The following KIF19 variants were observed in gnomAD, a reference collection of about 807,000 sequenced individuals.
KIF19 encodes the protein kinesin family member 19.
KIF19 carries 98 observed loss-of-function variants against 106.6 expected under a neutral mutation model. The ratio of observed to expected loss-of-function variants is 0.92; its 90% CI spans 0.78 to 1.09. The LOEUF is 1.09. Among genes scored for constraint, KIF19 ranks in the 50% least tolerant of loss-of-function variants. The pLI is 0.00. For missense variants in KIF19, 1,373 were observed against 1,414.3 expected (o/e 0.97, Z 0.47); for synonymous variants, 516 against 584.2 (o/e 0.88, Z 1.68).
In KIF19 at chr17:74,344,350, C is replaced by T. The variant is rs1202308732; in HGVS notation, c.582+2C>T. ...GTCTCCACCATCAATGCCAAGGAGGCGAGTTTTGTGTGGCCAGCCTGGAGC... is the reference window on the plus strand; with the variant it reads ...GTCTCCACCATCAATGCCAAGGAGGTGAGTTTTGTGTGGCCAGCCTGGAGC... On this transcript the variant is annotated splice_donor_variant, in intron 6 of 19. Coordinates refer to ENST00000389916, the MANE Select transcript of KIF19 (RefSeq NM_153209.4). LOFTEE classifies it low-confidence loss of function (GC_TO_GT_DONOR). 3 of 1,611,698 alleles carry T rather than the reference C, an allele frequency of 1.9e-6. No individual in the cohort carries two copies. The highest frequency in any genetic ancestry group is 1.7e-6 in the Non-Finnish European group (2 of 1,179,454).
At chr17:74,336,283 G>A (rs1403988194) in intron 2 of KIF19, among the ~76,000 whole-genome samples, 1 of 152,146 alleles carries the variant, frequency 6.6e-6, no homozygotes, top group Non-Finnish European at 1.5e-5. Flanking sequence ...TGGCTAGGCT[G>A]TTCTTGAACT....
At position 74,350,481 on chromosome 17, in the gene KIF19, G is replaced by A; in HGVS notation, c.1294G>A (p.Glu432Lys). ...LREQLASAFQEQMDVRRRLLE... is the reference protein window; with the variant it reads ...LREQLASAFQKQMDVRRRLLE... Reference sequence around the variant, plus strand: ...GGAGCAGCTCGCCAGCGCCTTCCAGGAGCAGATGGATGTGCGGAGGCGCCT... The same window carrying A: ...GGAGCAGCTCGCCAGCGCCTTCCAGAAGCAGATGGATGTGCGGAGGCGCCT... The change falls in exon 11 of 20, where the codon GAG (glutamate) becomes AAG (lysine). Residue 432 changes from glutamate to lysine, a missense_variant. Glu to Lys is a moderately conservative substitution (Grantham distance 56). Coordinates refer to ENST00000389916, the MANE Select transcript of KIF19 (RefSeq NM_153209.4). 1 of 1,612,026 alleles carries A rather than the reference G, an allele frequency of 6.2e-7. No homozygotes were observed. The highest frequency in any genetic ancestry group is 8.5e-7 in the Non-Finnish European group (1 of 1,179,618).
rs578094370 is a variant in KIF19 at position 74,353,753 on chromosome 17, C to A, written c.2308+172C>A. Among the ~76,000 whole-genome samples the A allele has an allele frequency of 2.6e-5, 4 of 152,316 alleles. No homozygotes were observed. In the East Asian group the frequency reaches 7.7e-4, roughly 29 times the overall value. On this transcript the variant is annotated intron_variant, in intron 17 of 19. Transcript: ENST00000389916. ...CCTGAGGATTAGTCAGTCAAGGACA[C>A]TTAAGAGTCTTCTCTAAGTCAAGGA...
intron 2 of KIF19, among the ~76,000 whole-genome samples, chr17:74,333,208 G>A (rs2054138935): frequency 6.6e-6 from 1 of 151,932 alleles, no homozygotes; most frequent in Non-Finnish European, 1.5e-5. Context: ...GTGGCTAGGG[G>A]AGGGGGTCAG....
intron 8 of KIF19, 68 bp from the exon 9 acceptor site, chr17:74,347,709 G>C: frequency 6.5e-7 from 1 of 1,541,844 alleles, no homozygotes; most frequent in Non-Finnish European, 8.8e-7. Flanking sequence ...GGAGGGCATC[G>C]TGAACAGCCT....
intron 15 of KIF19, 102 bp downstream of exon 15, chr17:74,353,056 G>A (rs1399973362): frequency 1.0e-5 from 15 of 1,482,516 alleles, no homozygotes; most frequent in Non-Finnish European, 1.4e-5. Flanking sequence ...GCAATGAGAG[G>A]GAGCAGGTGG....
At chr17:74,343,391 C>G (rs542889760) in intron 5 of KIF19, among the ~76,000 whole-genome samples, 4 of 152,184 alleles carry the variant, frequency 2.6e-5, no homozygotes, top group African/African-American at 9.6e-5. Flanking sequence ...GGCCAAGCTC[C>G]GCCCTGTGCC....
intron 7 of KIF19, 135 bp downstream of exon 7, chr17:74,345,090 G>T: frequency 1.2e-6 from 1 of 848,876 alleles, no homozygotes; most frequent in Non-Finnish European, 1.8e-6. Context: ...GGACAGGGAC[G>T]CTGGCATCTC....
chr17:74,348,014 C>A, intron 9 of KIF19, 115 bp downstream of exon 9: 2 of 1,234,364 alleles, frequency 1.6e-6, no homozygotes, highest in Non-Finnish European at 2.2e-6. Flanking sequence ...GCTGCACTGG[C>A]CTCATTCCCT....
chr17:74,332,726 C>CG (rs2054127377), intron 2 of KIF19, among the ~76,000 whole-genome samples: 1 of 152,106 alleles, frequency 6.6e-6, no homozygotes, highest in Admixed American at 6.6e-5. Context: ...GAGATCTGGC[C>CG]GGACAGCGTG....
At chr17:74,332,960 G>A (rs908765177) in intron 2 of KIF19, among the ~76,000 whole-genome samples, 10 of 152,208 alleles carry the variant, frequency 6.6e-5, no homozygotes, top group Admixed American at 2.0e-4. Context: ...GAGAGCTGTC[G>A]AGAGGATTAA....
chr17:74,332,346 G>A (rs905092160), intron 2 of KIF19, among the ~76,000 whole-genome samples: 17 of 151,886 alleles, frequency 1.1e-4, no homozygotes, highest in African/African-American at 3.6e-4. Context: ...AGGTGGGCCT[G>A]GTTTAATTTA....
Position 74,337,398 on chromosome 17 carries a change from G to A in KIF19, c.121-4478G>A, listed in dbSNP as rs565633478. On this transcript the variant is annotated intron_variant, in intron 2 of 19. Coordinates refer to ENST00000389916, the MANE Select transcript of KIF19 (RefSeq NM_153209.4). ...TGTGCTGGCCTCTGTAGATGCACAC[G>A]TCAGTTCTCGGATCTGTGCAGTGAA... 9.2e-5 allele frequency among the ~76,000 whole-genome samples: 14 copies of A among 152,260 alleles called. No individual in the cohort carries two copies. In the East Asian group the frequency reaches 1.5e-3, roughly 17 times the overall value.
chr17:74,350,396 G>A lies in KIF19; in HGVS notation c.1214-5G>A, dbSNP rs370384512. ...TCTACCTTGCCCACCCTCACCCATCGGCAGCTGAGGTCCAGCTGCACAGCG... is the reference window on the plus strand; with the variant it reads ...TCTACCTTGCCCACCCTCACCCATCAGCAGCTGAGGTCCAGCTGCACAGCG... On this transcript the variant is annotated splice_region_variant and splice_polypyrimidine_tract_variant and intron_variant, in intron 10 of 19. Coordinates refer to ENST00000389916, the MANE Select transcript of KIF19 (RefSeq NM_153209.4). 35 of 1,585,950 alleles carry A rather than the reference G, an allele frequency of 2.2e-5. No homozygotes were observed. The African/African-American group carries it at 2.4e-4, about 11-fold the overall frequency.
chr17:74,338,705 G>A (rs866084924), intron 2 of KIF19, among the ~76,000 whole-genome samples: 2 of 151,930 alleles, frequency 1.3e-5, no homozygotes, highest in African/African-American at 2.4e-5. Flanking sequence ...CAGGGCACAC[G>A]TAGAATGCTG....
rs538077065 is a variant in KIF19 at position 74,326,939 on chromosome 17, C to T, written c.39+551C>T. 5.3e-5 allele frequency among the ~76,000 whole-genome samples: 8 copies of T among 152,312 alleles called. No homozygotes were observed. In the East Asian group the frequency reaches 1.5e-3, roughly 29 times the overall value. ...TAGTTCAGAGAAGTGCTAGATGCAG[C>T]TACCATGGCCCCACAGAGCCCTGGG... On this transcript the variant is annotated intron_variant, in intron 1 of 19. Transcript: ENST00000389916.
At position 74,328,285 on chromosome 17, in the gene KIF19, G is replaced by A. The variant is rs2053969152; in HGVS notation, c.40-140G>A. ...ACACTCTGTGGACCTGCTGCCCTCTGACCTAGGTAGAGTTTTACTTAGGAC... is the reference window on the plus strand; with the variant it reads ...ACACTCTGTGGACCTGCTGCCCTCTAACCTAGGTAGAGTTTTACTTAGGAC... On this transcript the variant is annotated intron_variant, in intron 1 of 19. Transcript: ENST00000389916. 11 of 691,374 alleles carry A rather than the reference G, an allele frequency of 1.6e-5. No individual in the cohort carries two copies. The East Asian group carries it at 3.1e-4, about 19-fold the overall frequency. 42.8% of individuals were successfully genotyped at this position (691,374 alleles called of 1,614,324 possible). A position where few individuals can be genotyped will look rare whatever the true frequency, so the allele number is the denominator to read the frequency against.
Position 74,346,350 on chromosome 17 carries a change from AC to A in KIF19, c.778-27del, listed in dbSNP as rs1446718532. The A allele has an allele frequency of 8.3e-6, 13 of 1,559,652 alleles. No homozygotes were observed. The highest frequency in any genetic ancestry group is 1.1e-5 in the Non-Finnish European group (13 of 1,151,564). On this transcript the variant is annotated intron_variant, in intron 7 of 19. Coordinates refer to ENST00000389916, the MANE Select transcript of KIF19 (RefSeq NM_153209.4). The surrounding 1 kb of genome is among the most constrained non-coding windows in gnomAD (Gnocchi z 4.6). Reference sequence around the variant, plus strand: ...ACCCAGTCCCCTGCCTCATCAGGCCACACGTGTGCCCTTTGCTCGCCCCCTA... The same window carrying A: ...ACCCAGTCCCCTGCCTCATCAGGCCAACGTGTGCCCTTTGCTCGCCCCCTA...
chr17:74,345,567 C>T (rs1042332785), intron 7 of KIF19, among the ~76,000 whole-genome samples: 3 of 152,162 alleles, frequency 2.0e-5, no homozygotes, highest in Admixed American at 6.5e-5. Context: ...GGCAGCACCA[C>T]CCAGCTGGTG....
Sources: gnomAD v4.1 joint callset for allele counts (sites outside exome capture counted in the v4.1 genomes callset) on GRCh38, gnomAD v4.1.1 for gene constraint, Gnocchi (gnomAD v3.1) non-coding constraint, MANE v1.5 for transcripts, NCBI Gene and HGNC (gene_info 2026-07-23, HGNC 2026-07-21) for gene names.